The following SDC1 variants were observed in gnomAD, a reference collection of about 807,000 sequenced individuals.
The protein encoded by SDC1 is syndecan 1.
In SDC1, 14 loss-of-function variants were observed where a neutral mutation model predicts 29.7. That is an observed-to-expected ratio of 0.47 (90% confidence interval 0.31 to 0.74). The LOEUF is 0.74. Among genes scored for constraint, SDC1 ranks in the 30% least tolerant of loss-of-function variants. SDC1 has a pLI of 0.05. For synonymous variants in SDC1, 204 were observed against 175.5 expected (o/e 1.16, Z -1.29); for missense variants, 406 against 400.3 (o/e 1.01, Z -0.12).
intron 4 of SDC1, 35 bp downstream of exon 4, chr2:20,203,052 T>C: frequency 6.3e-7 from 1 of 1,577,932 alleles, no homozygotes; most frequent in South Asian, 1.1e-5. Flanking sequence ...ACAGCAGCAA[T>C]TCACCCCAAA....
At chr2:20,220,955 C>G (rs12464428) in intron 1 of SDC1, among the ~76,000 whole-genome samples, 46,373 of 152,110 alleles carry the variant, frequency 0.3, 7,401 homozygotes, top group Middle Eastern at 0.38. Flanking sequence ...CTACCTGTGA[C>G]CAGCAAGTCA....
intron 1 of SDC1, among the ~76,000 whole-genome samples, chr2:20,211,351 G>A (rs1165764568): frequency 6.6e-6 from 1 of 152,228 alleles, no homozygotes; most frequent in Non-Finnish European, 1.5e-5. Context: ...TGAGTCCAGT[G>A]TTCAAAGTCA....
intron 1 of SDC1, among the ~76,000 whole-genome samples, chr2:20,208,451 A>T (rs1677353428): frequency 1.3e-5 from 2 of 152,234 alleles, no homozygotes; most frequent in South Asian, 4.1e-4. Context: ...CTAAGGGGAC[A>T]GGCTAGAGAG....
chr2:20,205,451 A>G (rs1298358940), intron 1 of SDC1, 27 bp from the exon 2 acceptor site: 7 of 1,597,078 alleles, frequency 4.4e-6, no homozygotes, highest in Non-Finnish European at 6.0e-6. Flanking sequence ...ATATGGTATG[A>G]GTAAAGGCTT....
chr2:20,210,133 G>A (rs1224487291), intron 1 of SDC1, among the ~76,000 whole-genome samples: 1 of 152,256 alleles, frequency 6.6e-6, no homozygotes, highest in Non-Finnish European at 1.5e-5. Flanking sequence ...CCTGAGGTCA[G>A]GAATTCCAAA....
At position 20,201,962 on chromosome 2, in the gene SDC1, G is replaced by C. The variant is rs1677023550; in HGVS notation, c.*804C>G. The C allele has an allele frequency of 3.1e-6, 1 of 326,360 alleles. No individual in the cohort carries two copies. The highest frequency in any genetic ancestry group is 2.2e-5 in the African/African-American group (1 of 45,844). The allele number at this position is 326,360 out of a possible 1,614,324, so 20.2% of individuals were successfully genotyped here. On this transcript the variant is annotated 3_prime_UTR_variant, in exon 5 of 5. Coordinates refer to ENST00000254351, the MANE Select transcript of SDC1 (RefSeq NM_002997.5). ...GCCCCACGGCAGCCTGGACTGGCCA[G>C]CCTGCCAACAGACCACCAGAAACGG... is the stretch of plus-strand genomic sequence containing the variant.
Position 20,205,419 on chromosome 2 carries a change from A to T in SDC1, c.72T>A (p.Ile24=). The T allele has an allele frequency of 6.2e-7, 1 of 1,613,660 alleles. No individual in the cohort carries two copies. The highest frequency in any genetic ancestry group is 8.5e-7 in the Non-Finnish European group (1 of 1,179,638). ...ALSLQPALPQ[I]VATNLPPEDQ... ...CTTCAGGGGGCAAATTAGTAGCCAC[A>T]ATTTGCTGGAAAAGGATCAGAATAT... Residue 24 remains isoleucine (I), a synonymous_variant, in exon 2 of 5, where the codon ATT becomes ATA. Coordinates refer to ENST00000254351, the MANE Select transcript of SDC1 (RefSeq NM_002997.5).
intron 4 of SDC1, 71 bp downstream of exon 4, chr2:20,203,016 G>C: frequency 6.4e-7 from 1 of 1,565,788 alleles, no homozygotes; most frequent in Non-Finnish European, 8.7e-7. Flanking sequence ...AGTGGCCTTG[G>C]CTGTGGTCAG....
At chr2:20,215,817 C>T (rs1432049768) in intron 1 of SDC1, among the ~76,000 whole-genome samples, 3 of 152,188 alleles carry the variant, frequency 2.0e-5, no homozygotes, top group Non-Finnish European at 4.4e-5. Context: ...GTCCTGTGCT[C>T]CTCCTGGCCT....
In SDC1 at chr2:20,224,772, C is replaced by T; in HGVS notation, c.66+30G>A. The T allele has an allele frequency of 3.1e-6, 4 of 1,301,894 alleles. No homozygotes were observed. Among genetic ancestry groups the T allele is most frequent in the Non-Finnish European group, 3.9e-6 (4 of 1,024,712 alleles). 80.6% of individuals were successfully genotyped at this position (1,301,894 alleles called of 1,614,324 possible). A position where few individuals can be genotyped will look rare whatever the true frequency, so the allele number is the denominator to read the frequency against. On this transcript the variant is annotated intron_variant, in intron 1 of 4. Transcript: ENST00000254351. This position sits in a 1 kb window ranked among gnomAD's most constrained non-coding sequence, Gnocchi z 4.9. ...GGTGACCAGTCCCGGCTTCCCGCCG[C>T]CTCCCCGCCTGGCCGCCGGCCGCAC...
At position 20,203,986 on chromosome 2, in the gene SDC1, G is replaced by A; in HGVS notation, c.454C>T (p.His152Tyr). The A allele has an allele frequency of 6.2e-7, 1 of 1,613,946 alleles. No individual in the cohort carries two copies. Among genetic ancestry groups the A allele is most frequent in the Non-Finnish European group, 8.5e-7 (1 of 1,180,000 alleles). The change falls in exon 3 of 5, where the codon CAC (histidine) becomes TAC (tyrosine). Residue 152 changes from histidine (H) to tyrosine (Y), a missense_variant. Physicochemically the swap from His to Tyr is moderately conservative, Grantham distance 83. Transcript: ENST00000254351. ...CCAGGCTGCATGTCCCTGTGGGGGTGGGAGGTGGCGGGCTCCTGGGCCGTG... is the reference window on the plus strand; with the variant it reads ...CCAGGCTGCATGTCCCTGTGGGGGTAGGAGGTGGCGGGCTCCTGGGCCGTG... ...ATTAQEPATSHPHRDMQPGHH... is the reference protein window; with the variant it reads ...ATTAQEPATSYPHRDMQPGHH...
At chr2:20,210,436 A>C (rs903156367) in intron 1 of SDC1, among the ~76,000 whole-genome samples, 23 of 152,196 alleles carry the variant, frequency 1.5e-4, no homozygotes, top group Admixed American at 7.8e-4. Context: ...TGAAGTACAG[A>C]GGGCTTCCCT....
chr2:20,201,529 T>G lies in SDC1; in HGVS notation c.*1237A>C, dbSNP rs1677008143. 6.6e-6 allele frequency: 1 copy of G among 152,618 alleles called. No homozygotes were observed. Among genetic ancestry groups the G allele is most frequent in the Admixed American group, 6.5e-5 (1 of 15,288 alleles). The allele number at this position is 152,618 out of a possible 1,614,324, so 9.5% of individuals were successfully genotyped here. ...ATTAAAGTTTATTACATTTGGAAAA[T>G]CTACTGTACAGGGAAAAACCCATTG... On this transcript the variant is annotated 3_prime_UTR_variant, in exon 5 of 5. Coordinates refer to ENST00000254351, the MANE Select transcript of SDC1 (RefSeq NM_002997.5).
At chr2:20,218,662 C>T (rs532397165) in intron 1 of SDC1, among the ~76,000 whole-genome samples, 22 of 144,218 alleles carry the variant, frequency 1.5e-4, no homozygotes, top group African/African-American at 5.3e-4. Context: ...CACAGAGACA[C>T]ACGTACACAC....
chr2:20,205,467 G>A, intron 1 of SDC1, 43 bp from the exon 2 acceptor site: 1 of 1,525,390 alleles, frequency 6.6e-7, no homozygotes, highest in Non-Finnish European at 9.1e-7. Flanking sequence ...GGCTTGGCCG[G>A]GTCTCTGCTG....
rs546228820 is a variant in SDC1, at chr2:20,205,331, T to A, written c.148+12A>T. 2 of 1,612,158 alleles carry A rather than the reference T, an allele frequency of 1.2e-6. No individual in the cohort carries two copies. Among genetic ancestry groups the A allele is most frequent in the African/African-American group, 1.3e-5 (1 of 75,008 alleles). The stretch of plus-strand genomic sequence containing the variant: ...CCGTCTTGGGTGGGGGGGGCCCCCA[T>A]GACAACCTCACCTGCACCTGAGCCG... On this transcript the variant is annotated intron_variant, in intron 2 of 4. Transcript: ENST00000254351.
chr2:20,212,096 G>T (rs531566655), intron 1 of SDC1, among the ~76,000 whole-genome samples: 200 of 128,290 alleles, frequency 1.6e-3, no homozygotes, highest in African/African-American at 5.4e-3. Context: ...TGACAGGCTG[G>T]CCCCGCGGCT....
In SDC1 at chr2:20,202,809, C is replaced by T; in HGVS notation, c.890G>A (p.Gly297Glu). The change falls in exon 5 of 5, where the codon GGG becomes GAG. Residue 297 changes from glycine to glutamate, a missense_variant. Coordinates refer to ENST00000254351, the MANE Select transcript of SDC1 (RefSeq NM_002997.5). Reference sequence around the variant, plus strand: ...CTGTTTGGTGGGCTTCTGGTAGGCCCCGCCGTTGGCTTGTTTCGGCTCCTC... The same window carrying T: ...CTGTTTGGTGGGCTTCTGGTAGGCCTCGCCGTTGGCTTGTTTCGGCTCCTC... ...SLEEPKQANG[G>E]AYQKPTKQEE... 1 of 1,613,356 alleles carries T rather than the reference C, an allele frequency of 6.2e-7. No individual in the cohort carries two copies. The highest frequency in any genetic ancestry group is 8.5e-7 in the Non-Finnish European group (1 of 1,179,666).
chr2:20,223,895 G>A (rs962258377), intron 1 of SDC1, among the ~76,000 whole-genome samples: 17 of 152,130 alleles, frequency 1.1e-4, no homozygotes, highest in Non-Finnish European at 2.4e-4. Flanking sequence ...CCACCCAAAG[G>A]CCTCTTACAG....
Sources: gnomAD v4.1 joint callset for allele counts (sites outside exome capture counted in the v4.1 genomes callset) on GRCh38, gnomAD v4.1.1 for gene constraint, Gnocchi (gnomAD v3.1) non-coding constraint, MANE v1.5 for transcripts, NCBI Gene and HGNC (gene_info 2026-07-23, HGNC 2026-07-21) for gene names.